Variants in EXOC6B observed in about 807,000 individuals in gnomAD.
The protein encoded by EXOC6B is exocyst complex component 6B.
A neutral mutation model predicts 113.5 loss-of-function variants in EXOC6B; 54 were observed. That is an observed-to-expected ratio of 0.48 (90% CI 0.38 to 0.60). The LOEUF (loss-of-function observed/expected upper bound fraction) is 0.60, where lower values mean the gene tolerates loss of function less well. Ranked by LOEUF, EXOC6B falls within the 20% of genes least tolerant of loss-of-function variation. The pLI, the probability that EXOC6B is intolerant of heterozygous loss-of-function variation, is 0.00. For missense variants in EXOC6B, 797 were observed against 977.5 expected, an observed-to-expected ratio of 0.82 and a Z score of 2.46; for synonymous variants, 357 against 339.0, an observed-to-expected ratio of 1.05 and a Z score of -0.58.
intron 8 of EXOC6B, among the ~76,000 whole-genome samples, chr2:72,527,703 C>T (rs1227354661): frequency 6.6e-6 from 1 of 151,938 alleles, no homozygotes; most frequent in Non-Finnish European, 1.5e-5. Flanking sequence ...TTACCAGCAA[C>T]CTCACGAGCA....
intron 20 of EXOC6B, among the ~76,000 whole-genome samples, chr2:72,241,725 G>GA (rs1354508675): frequency 1.3e-5 from 2 of 151,798 alleles, no homozygotes; most frequent in African/African-American, 2.4e-5. Context: ...AATGTTGAAA[G>GA]AAAAAAATCC....
At chr2:72,198,305 T>C (rs1476621309) in intron 20 of EXOC6B, among the ~76,000 whole-genome samples, 1 of 152,216 alleles carries the variant, frequency 6.6e-6, no homozygotes. Flanking sequence ...GGGCCTGCTC[T>C]CTCACAGAGC....
intron 18 of EXOC6B, among the ~76,000 whole-genome samples, chr2:72,459,012 A>C (rs1000212449): frequency 6.6e-6 from 1 of 152,130 alleles, no homozygotes; most frequent in African/African-American, 2.4e-5. Context: ...AATTCAGAAA[A>C]CATTTTCTAA....
At chr2:72,463,319 T>C (rs1398610988) in intron 18 of EXOC6B, 4 of 152,048 alleles carry the variant, frequency 2.6e-5, no homozygotes, top group Non-Finnish European at 5.9e-5. Context: ...AGATAAATGC[T>C]CCCACTAGGA....
intron 20 of EXOC6B, among the ~76,000 whole-genome samples, chr2:72,286,000 T>G (rs1292924684): frequency 6.6e-6 from 1 of 152,148 alleles, no homozygotes; most frequent in African/African-American, 2.4e-5. Flanking sequence ...CAAATGCTGA[T>G]GAGAATGTAG....
rs369763706 is a variant in EXOC6B at position 72,519,653 on chromosome 2, G to T, written c.916-4527C>A. ...TCCTAAAAGCAATGGCTCAGTATTC[G>T]CTCACTCAGTGTTTCCAGTGACTTT... On this transcript the variant is annotated intron_variant, in intron 8 of 21. Transcript: ENST00000272427. Among the ~76,000 whole-genome samples the T allele has an allele frequency of 4.6e-5, 7 of 152,158 alleles. No individual in the cohort carries two copies. The South Asian group carries it at 1.2e-3, about 27-fold the overall frequency.
intron 1 of EXOC6B, among the ~76,000 whole-genome samples, chr2:72,816,767 C>T (rs1164652009): frequency 6.6e-6 from 1 of 152,202 alleles, no homozygotes; most frequent in Non-Finnish European, 1.5e-5. Flanking sequence ...AAATGCTACA[C>T]TCCCATTTAA....
chr2:72,556,887 T>C (rs190965309), intron 8 of EXOC6B, among the ~76,000 whole-genome samples: 251 of 151,970 alleles, frequency 1.7e-3, no homozygotes, highest in African/African-American at 5.4e-3. Flanking sequence ...AAAAAGGACA[T>C]TTTAAACATT....
At chr2:72,620,234 TC>T (rs1671662233) in intron 6 of EXOC6B, among the ~76,000 whole-genome samples, 1 of 152,110 alleles carries the variant, frequency 6.6e-6, no homozygotes, top group Non-Finnish European at 1.5e-5. Flanking sequence ...CCACAACAGA[TC>T]CTCCAGCCCA....
At chr2:72,503,971 G>A (rs1407828280) in intron 11 of EXOC6B, among the ~76,000 whole-genome samples, 5 of 152,124 alleles carry the variant, frequency 3.3e-5, no homozygotes, top group East Asian at 3.9e-4. Context: ...GCAGGGATAC[G>A]ATCGTGGCTC....
chr2:72,532,205 C>T (rs1281037494), intron 8 of EXOC6B, among the ~76,000 whole-genome samples: 1 of 152,052 alleles, frequency 6.6e-6, no homozygotes, highest in Admixed American at 6.6e-5. Flanking sequence ...CATAAACGTT[C>T]TATGCATATA....
chr2:72,696,453 C>T (rs941829265), intron 6 of EXOC6B, among the ~76,000 whole-genome samples: 2 of 152,106 alleles, frequency 1.3e-5, no homozygotes, highest in African/African-American at 4.8e-5. Context: ...TGCCCATGTG[C>T]CTTTGCAATG....
At chr2:72,739,515 A>G (rs1416255996) in intron 2 of EXOC6B, among the ~76,000 whole-genome samples, 1 of 152,132 alleles carries the variant, frequency 6.6e-6, no homozygotes, top group Admixed American at 6.5e-5. Context: ...ATTTGTAGGT[A>G]GAATAGGTTC....
intron 18 of EXOC6B, among the ~76,000 whole-genome samples, chr2:72,386,447 T>A (rs1266260383): frequency 6.6e-6 from 1 of 152,150 alleles, no homozygotes; most frequent in Non-Finnish European, 1.5e-5. Flanking sequence ...TCACAGACCT[T>A]TAAGGCAGCC....
rs1304627799 is a variant in EXOC6B at position 72,638,158 on chromosome 2, A to G, written c.670-62490T>C. The stretch of plus-strand genomic sequence containing the variant: ...AAGGTCCAAACAGATAAAATCAGAG[A>G]AGAAAAAGGAGACATTACAACCATT... On this transcript the variant is annotated intron_variant, in intron 6 of 21. Transcript: ENST00000272427. Among the ~76,000 whole-genome samples the G allele has an allele frequency of 3.3e-5, 5 of 152,166 alleles. No individual in the cohort carries two copies. The East Asian group carries it at 9.6e-4, about 29-fold the overall frequency.
intron 18 of EXOC6B, among the ~76,000 whole-genome samples, chr2:72,392,080 T>C (rs1369537830): frequency 2.0e-5 from 3 of 152,230 alleles, no homozygotes; most frequent in Admixed American, 6.5e-5. Context: ...TCTTGATTTA[T>C]AATTTAAAGG....
At chr2:72,188,863 ACTGTCAAT>A (rs1487980880) in intron 20 of EXOC6B, among the ~76,000 whole-genome samples, 2 of 152,188 alleles carry the variant, frequency 1.3e-5, no homozygotes, top group East Asian at 3.8e-4. Context: ...AGATCCATCC[ACTGTCAAT>A]ATTCTACCCC....
In EXOC6B at chr2:72,732,174, G is replaced by T. The variant is rs141971328; in HGVS notation, c.327+897C>A. ...TTTATGGTGGGGGGATAGAGATGGG[G>T]TCTCCCTTTGTCACCCAGGCTGAGA... On this transcript the variant is annotated intron_variant, in intron 3 of 21. Transcript: ENST00000272427. Among the ~76,000 whole-genome samples the T allele has an allele frequency of 6.6e-4, 100 of 152,236 alleles. No individual in the cohort carries two copies. The Middle Eastern group carries it at 0.01, about 16-fold the overall frequency.
intron 8 of EXOC6B, among the ~76,000 whole-genome samples, chr2:72,539,371 G>A (rs1259522592): frequency 6.6e-6 from 1 of 152,156 alleles, no homozygotes; most frequent in Non-Finnish European, 1.5e-5. Flanking sequence ...TTCAAACAAT[G>A]GGATATTTGT....
Sources: allele counts gnomAD v4.1 joint callset (sites outside exome capture counted in the v4.1 genomes callset), GRCh38; gene constraint gnomAD v4.1.1; transcripts MANE v1.5; gene names NCBI Gene and HGNC (gene_info 2026-07-23, HGNC 2026-07-21).